BIRC6: variants seen among roughly 807,000 people sequenced by gnomAD.
The protein encoded by BIRC6 is dual E2 ubiquitin-conjugating enzyme/E3 ubiquitin-protein ligase BIRC6.
Under a neutral mutation model 503.3 loss-of-function variants are expected in BIRC6, and 98 were observed. That is an observed-to-expected ratio of 0.19 (90% CI 0.17 to 0.23). BIRC6 has a LOEUF of 0.23. BIRC6 is among the 10% of genes least tolerant of loss of function. BIRC6 has a pLI of 1.00. For synonymous variants in BIRC6, 2,240 were observed against 2,078.7 expected (o/e 1.08, Z -2.11); for missense variants, 5,360 against 5,806.0 (o/e 0.92, Z 2.50).
intron 61 of BIRC6, among the ~76,000 whole-genome samples, chr2:32,538,865 G>A (rs1366674793): frequency 6.6e-6 from 1 of 152,172 alleles, no homozygotes; most frequent in Non-Finnish European, 1.5e-5. Context: ...CTGAGATCGT[G>A]CCCCTGCACT....
At chr2:32,559,451 T>G (rs947114820) in intron 65 of BIRC6, among the ~76,000 whole-genome samples, 2 of 152,208 alleles carry the variant, frequency 1.3e-5, no homozygotes, top group African/African-American at 4.8e-5. Flanking sequence ...AGGAGCTAAA[T>G]TTGAAGACAT....
intron 65 of BIRC6, among the ~76,000 whole-genome samples, chr2:32,556,707 G>C (rs2058804583): frequency 6.6e-6 from 1 of 152,104 alleles, no homozygotes; most frequent in Non-Finnish European, 1.5e-5. Context: ...CCAGCTCTTT[G>C]AGAGGCCGAG....
chr2:32,545,625 C>T lies in BIRC6; in HGVS notation c.12593-18C>T, dbSNP rs552962972. 6.3e-7 allele frequency: 1 copy of T among 1,593,322 alleles called. No homozygotes were observed. Among genetic ancestry groups the T allele is most frequent in the East Asian group, 2.2e-5 (1 of 44,756 alleles). The stretch of plus-strand genomic sequence containing the variant: ...TTAACTGTTTTTAATCTTGAGTCCT[C>T]TTCTTTCTTCAATCTAGGTCATATT... On this transcript the variant is annotated intron_variant, in intron 62 of 73. Transcript: ENST00000421745.
chr2:32,589,403 G>C (rs879055409), intron 66 of BIRC6, among the ~76,000 whole-genome samples: 1 of 152,094 alleles, frequency 6.6e-6, no homozygotes, highest in South Asian at 2.1e-4. Context: ...GAGATCACTT[G>C]ATTTACATCT....
chr2:32,484,173 G>A (rs543378879), intron 39 of BIRC6, among the ~76,000 whole-genome samples: 1 of 152,176 alleles, frequency 6.6e-6, no homozygotes, highest in South Asian at 2.1e-4. Context: ...CATTGTGCCC[G>A]GCTGCTGTAA....
chr2:32,524,942 A>G lies in BIRC6; in HGVS notation c.11678A>G (p.Lys3893Arg), dbSNP rs1359425430. 1.3e-6 allele frequency: 2 copies of G among 1,535,850 alleles called. No homozygotes were observed. The highest frequency in any genetic ancestry group is 1.8e-6 in the Non-Finnish European group (2 of 1,140,138). ...AGTGAACAAAAAGATGACAAAGAAAAGAAAAACCATGAAGAGAAAGAAAAA... is the reference window on the plus strand; with the variant it reads ...AGTGAACAAAAAGATGACAAAGAAAGGAAAAACCATGAAGAGAAAGAAAAA... ...LISEQKDDKEKKNHEEKEKVK... is the reference protein window; with the variant it reads ...LISEQKDDKERKNHEEKEKVK... Residue 3893 changes from lysine to arginine, a missense_variant, in exon 58 of 74, where the codon AAG becomes AGG. Physicochemically the swap from Lys to Arg is conservative, Grantham distance 26. Around this residue, in one of 16 missense-constraint regions of BIRC6, gnomAD observed 878 missense variants for 928.9 expected, o/e 0.95. Transcript: ENST00000421745.
chr2:32,601,994 GAAAT>G (rs2062092895), intron 70 of BIRC6, among the ~76,000 whole-genome samples: 1 of 152,030 alleles, frequency 6.6e-6, no homozygotes, highest in Admixed American at 6.6e-5. Flanking sequence ...AATTTAGAAA[GAAAT>G]ACACAAAAAT....
In BIRC6 at chr2:32,491,928, C is replaced by G. The variant is rs374641923; in HGVS notation, c.8340+370C>G. On this transcript the variant is annotated intron_variant, in intron 44 of 73. Coordinates refer to ENST00000421745, the MANE Select transcript of BIRC6 (RefSeq NM_016252.4). ...TCTACTATCAAGATTATCAATTCACCTTAATCATTTTATGATGTTAATGAT... is the reference window on the plus strand; with the variant it reads ...TCTACTATCAAGATTATCAATTCACGTTAATCATTTTATGATGTTAATGAT... Among the ~76,000 whole-genome samples the G allele has an allele frequency of 7.2e-5, 11 of 152,114 alleles. No individual in the cohort carries two copies. In the East Asian group the frequency reaches 1.2e-3, roughly 16 times the overall value.
At chr2:32,393,192 T>C (rs898817655) in intron 5 of BIRC6, among the ~76,000 whole-genome samples, 10 of 151,714 alleles carry the variant, frequency 6.6e-5, no homozygotes, top group African/African-American at 2.4e-4. Flanking sequence ...TGAATATCTG[T>C]GCATTAAAGA....
chr2:32,487,442 ACTTCTCT>A (rs2051132671), intron 40 of BIRC6, among the ~76,000 whole-genome samples, 198 bp from the exon 41 acceptor site: 1 of 152,166 alleles, frequency 6.6e-6, no homozygotes, highest in Admixed American at 6.5e-5. Flanking sequence ...GAATTTGGGA[ACTTCTCT>A]CTTTGGTCAT....
At chr2:32,493,700 T>A in intron 45 of BIRC6, 33 bp downstream of exon 45, 1 of 1,503,188 alleles carries the variant, frequency 6.7e-7, no homozygotes, top group Non-Finnish European at 9.1e-7. Flanking sequence ...GTTCCTGATA[T>A]AGAAGTAACA....
Position 32,357,395 on chromosome 2 carries a change from G to A in BIRC6, c.234G>A (p.Ala78=). Residue 78 remains alanine (A), a synonymous_variant, in exon 1 of 74, where the codon GCG becomes GCA. Coordinates refer to ENST00000421745, the MANE Select transcript of BIRC6 (RefSeq NM_016252.4). This position sits in a 1 kb window ranked among gnomAD's most constrained non-coding sequence, Gnocchi z 4.9. Reference sequence around the variant, plus strand: ...TGCACAGCCTGTCCTACCACCCTGCGCTCAACGCCATCCTGGCCGTCACTA... The same window carrying A: ...TGCACAGCCTGTCCTACCACCCTGCACTCAACGCCATCCTGGCCGTCACTA... The part of the protein sequence containing the change: ...DGLHSLSYHP[A]LNAILAVTSR... 3 of 1,549,228 alleles carry A rather than the reference G, an allele frequency of 1.9e-6. No individual in the cohort carries two copies. Among genetic ancestry groups the A allele is most frequent in the Non-Finnish European group, 2.6e-6 (3 of 1,146,632 alleles).
At chr2:32,368,364 C>A (rs1300593894) in intron 1 of BIRC6, among the ~76,000 whole-genome samples, 5 of 151,966 alleles carry the variant, frequency 3.3e-5, no homozygotes, top group East Asian at 1.9e-4. Flanking sequence ...CATGGTGGAA[C>A]CTTGTCTCTA....
chr2:32,423,905 G>C (rs1010555839), intron 10 of BIRC6, among the ~76,000 whole-genome samples: 2 of 152,140 alleles, frequency 1.3e-5, no homozygotes, highest in African/African-American at 2.4e-5. Context: ...CTTAGTAGCT[G>C]TCTTGGTTAT....
chr2:32,559,185 G>A (rs529893271), intron 65 of BIRC6, among the ~76,000 whole-genome samples: 1 of 152,188 alleles, frequency 6.6e-6, no homozygotes. Flanking sequence ...ATCTGTAGCT[G>A]TTGATGACAA....
At position 32,505,082 on chromosome 2, in the gene BIRC6, C is replaced by T. The variant is rs2053649860; in HGVS notation, c.9577C>T (p.Arg3193Cys). The T allele has an allele frequency of 1.2e-6, 2 of 1,612,908 alleles. No individual in the cohort carries two copies. The highest frequency in any genetic ancestry group is 1.7e-6 in the Non-Finnish European group (2 of 1,179,482). Residue 3193 changes from arginine to cysteine, a missense_variant, in exon 50 of 74, where the codon CGC becomes TGC. Coordinates refer to ENST00000421745, the MANE Select transcript of BIRC6 (RefSeq NM_016252.4). Reference sequence around the variant, plus strand: ...GGCCACACCTCCTCACAGAAGAGCTCGCTCTGCTGCTTGGTCCTACATCTT... The same window carrying T: ...GGCCACACCTCCTCACAGAAGAGCTTGCTCTGCTGCTTGGTCCTACATCTT... ...LQATPPHRRA[R>C]SAAWSYIFLP... is the part of the protein sequence containing the mutation.
chr2:32,499,680 C>T lies in BIRC6; in HGVS notation c.8602C>T (p.His2868Tyr), dbSNP rs1203910875. Residue 2868 changes from histidine to tyrosine, a missense_variant, in exon 46 of 74, where the codon CAC becomes TAC. Physicochemically the swap from His to Tyr is moderately conservative, Grantham distance 83. Coordinates refer to ENST00000421745, the MANE Select transcript of BIRC6 (RefSeq NM_016252.4). ...GATAGAATCGGTTACATTTTTAGTG[C>T]ACCACTATATCACTTGCTCAGACAA... ...AVIESVTFLV[H>Y]HYITCSDKVM... 1 of 1,613,818 alleles carries T rather than the reference C, an allele frequency of 6.2e-7. No individual in the cohort carries two copies. Among genetic ancestry groups the T allele is most frequent in the Non-Finnish European group, 8.5e-7 (1 of 1,179,884 alleles).
intron 31 of BIRC6, 109 bp from the exon 32 acceptor site, chr2:32,470,905 A>G: frequency 8.8e-7 from 1 of 1,132,502 alleles, no homozygotes; most frequent in Non-Finnish European, 1.2e-6. Context: ...TAGTAATGAT[A>G]AGATATGTTT....
intron 36 of BIRC6, 80 bp from the exon 37 acceptor site, chr2:32,479,382 A>C: frequency 1.5e-6 from 2 of 1,364,506 alleles, no homozygotes; most frequent in Non-Finnish European, 2.0e-6. Flanking sequence ...CAGTGACTAA[A>C]CTGGAGGAAA....
Sources: gnomAD v4.1 joint callset for allele counts (sites outside exome capture counted in the v4.1 genomes callset) on GRCh38, gnomAD v4.1.1 for gene constraint, gnomAD v4.1.1 regional missense constraint, Gnocchi (gnomAD v3.1) non-coding constraint, MANE v1.5 for transcripts, NCBI Gene and HGNC (gene_info 2026-07-23, HGNC 2026-07-21) for gene names.